The following FAM90A20 variants were observed in gnomAD, a reference collection of about 807,000 sequenced individuals.
FAM90A20 encodes protein FAM90A20.
At chr8:7,296,807 C>G in the FAM90A20 span, among the ~76,000 whole-genome samples, 11 of 136,154 alleles carry the variant, frequency 8.1e-5, 4 homozygotes, top group African/African-American at 3.8e-4. Flanking sequence ...GCACTTTGAT[C>G]CAGTTAATGC....
At chr8:7,295,758 C>T in the FAM90A20 span, 9 of 1,275,814 alleles carry the variant, frequency 7.1e-6, 1 homozygote, top group Admixed American at 5.2e-5. Context: ...AACCTGAAAC[C>T]ATGGAAGCCT....
the FAM90A20 span, chr8:7,296,542 C>G: frequency 6.5e-6 from 4 of 610,802 alleles, no homozygotes; most frequent in South Asian, 1.7e-5. Flanking sequence ...CCTTGCAGGT[C>G]AGTTTGATTC....
At chr8:7,297,389 G>A in the FAM90A20 span, 33 of 1,524,316 alleles carry the variant, frequency 2.2e-5, 1 homozygote, top group Middle Eastern at 2.3e-4. Context: ...GCTCCAGGCC[G>A]TCAGAACCCA....
the FAM90A20 span, chr8:7,297,684 C>T: frequency 5.0e-6 from 7 of 1,402,964 alleles, 1 homozygote; most frequent in Non-Finnish European, 5.8e-6. Flanking sequence ...GGCAGGAGGA[C>T]ACCGGCCCAG....
the FAM90A20 span, chr8:7,297,631 A>G: frequency 9.6e-3 from 13,069 of 1,365,170 alleles, 989 homozygotes; most frequent in South Asian, 0.048. Context: ...TCCAACCTCC[A>G]CCAGCCGCAA....
chr8:7,297,641 A>G, the FAM90A20 span: 3 of 1,409,456 alleles, frequency 2.1e-6, no homozygotes, highest in Non-Finnish European at 2.9e-6. Flanking sequence ...ACCAGCCGCA[A>G]CCGAACTTGG....
At chr8:7,297,074 C>G in the FAM90A20 span, 2 of 1,505,494 alleles carry the variant, frequency 1.3e-6, no homozygotes, top group Non-Finnish European at 8.9e-7. Flanking sequence ...TGCAAGGGGG[C>G]CAATGCCGGT....
the FAM90A20 span, among the ~76,000 whole-genome samples, chr8:7,296,868 C>T: frequency 1.5e-5 from 2 of 136,862 alleles, no homozygotes; most frequent in East Asian, 3.9e-4. Context: ...CTACACATAG[C>T]TCGATAGCGC....
the FAM90A20 span, chr8:7,297,254 G>T: frequency 2.8e-6 from 4 of 1,446,168 alleles, no homozygotes; most frequent in East Asian, 2.3e-5. Context: ...GGCTGCCGCC[G>T]ACATCCCTCG....
chr8:7,297,656 A>C, the FAM90A20 span: 1 of 1,394,978 alleles, frequency 7.2e-7, no homozygotes, highest in Non-Finnish European at 9.8e-7. Context: ...ACTTGGACCA[A>C]GTAGGTCGCC....
chr8:7,297,348 T>A, the FAM90A20 span: 2 of 1,407,744 alleles, frequency 1.4e-6, no homozygotes, highest in East Asian at 4.5e-5. Context: ...TGCCGAGAAG[T>A]TCCCCAGGCT....
the FAM90A20 span, chr8:7,297,421 G>A: frequency 3.2e-5 from 49 of 1,553,944 alleles, 8 homozygotes; most frequent in Admixed American, 8.4e-5. Flanking sequence ...AACGTCCTGC[G>A]GTGACCTCAC....
At chr8:7,296,965 A>G in the FAM90A20 span, 4 of 1,105,204 alleles carry the variant, frequency 3.6e-6, no homozygotes, top group East Asian at 2.6e-5. Flanking sequence ...TGTACTAAGA[A>G]TTTCATGGTG....
the FAM90A20 span, chr8:7,295,846 G>A: frequency 1.2e-4 from 84 of 723,246 alleles, 8 homozygotes; most frequent in South Asian, 1.1e-3. Flanking sequence ...CAGTGGGAGG[G>A]GTTTTCACCA....
At chr8:7,295,892 C>T in the FAM90A20 span, 9 of 625,818 alleles carry the variant, frequency 1.4e-5, 2 homozygotes, top group Middle Eastern at 1.8e-3. Flanking sequence ...CATGGTGTCT[C>T]TGCACCTGCA....
the FAM90A20 span, chr8:7,297,358 T>C: frequency 7.0e-7 from 1 of 1,433,658 alleles, no homozygotes; most frequent in Non-Finnish European, 9.6e-7. Context: ...TTCCCCAGGC[T>C]GCCTCCAAAA....
the FAM90A20 span, chr8:7,295,877 A>C: frequency 1.4e-4 from 89 of 654,562 alleles, 9 homozygotes; most frequent in Non-Finnish European, 2.1e-4. Context: ...ACTGCCTCCT[A>C]AGGACATGGT....
chr8:7,296,527 A>G, the FAM90A20 span: 2 of 629,750 alleles, frequency 3.2e-6, no homozygotes, highest in South Asian at 1.6e-5. Flanking sequence ...CAGGGCCTCC[A>G]CGATCCTTGC....
chr8:7,296,023 G>C, the FAM90A20 span, among the ~76,000 whole-genome samples: 1 of 129,222 alleles, frequency 7.7e-6, no homozygotes, highest in East Asian at 2.1e-4. Flanking sequence ...ATTCAGGGAC[G>C]GGGAGAGGCG....
Sources: allele counts gnomAD v4.1 joint callset (sites outside exome capture counted in the v4.1 genomes callset), GRCh38; gene constraint gnomAD v4.1.1; transcripts MANE v1.5; gene names NCBI Gene and HGNC (gene_info 2026-07-23, HGNC 2026-07-21).